The following GPRC5A variants were observed in gnomAD, a reference collection of about 807,000 sequenced individuals.
GPRC5A encodes the protein retinoic acid-induced protein 3.
GPRC5A carries 19 observed loss-of-function variants against 22.5 expected under a neutral mutation model. That is an observed-to-expected ratio of 0.85 (90% CI 0.59 to 1.24). The LOEUF (loss-of-function observed/expected upper bound fraction) is 1.24, where lower values mean the gene tolerates loss of function less well. Among genes scored for constraint, GPRC5A ranks in the 50% most tolerant of loss-of-function variants. The pLI is 0.00. For synonymous variants in GPRC5A, 192 were observed against 184.5 expected (o/e 1.04, Z -0.33); for missense variants, 471 against 451.1 (o/e 1.04, Z -0.40).
chr12:12,909,428 C>T (rs1863980837), intron 2 of GPRC5A: 1 of 392,014 alleles, frequency 2.6e-6, no homozygotes, highest in South Asian at 7.4e-5. Context: ...CTCACTTCCC[C>T]TTTCTTGTGC....
At chr12:12,900,954 A>G (rs1379932998) in intron 1 of GPRC5A, among the ~76,000 whole-genome samples, 2 of 151,776 alleles carry the variant, frequency 1.3e-5, no homozygotes, top group African/African-American at 4.8e-5. Flanking sequence ...AAACAAACAA[A>G]CAAAAGAACC....
rs776056345 is a variant in GPRC5A, at chr12:12,908,977, C to T, written c.728C>T (p.Thr243Ile). 3 of 1,614,014 alleles carry T rather than the reference C, an allele frequency of 1.9e-6. No individual in the cohort carries two copies. In the East Asian group the frequency reaches 6.7e-5, roughly 36 times the overall value. The change falls in exon 2 of 4, where the codon ACC becomes ATC. Residue 243 changes from threonine to isoleucine, a missense_variant. Physicochemically the swap from Thr to Ile is moderately conservative, Grantham distance 89. Coordinates refer to ENST00000014914, the MANE Select transcript of GPRC5A (RefSeq NM_003979.4). ...LPDFDRRWDD[T>I]ILSSALAANG... ...GACTTTGACCGCAGGTGGGATGACA[C>T]CATCCTCAGCTCCGCCTTGGCTGCC...
rs140832369 is a variant in GPRC5A, at chr12:12,908,348, G to C, written c.99G>C (p.Thr33=). The change falls in exon 2 of 4, where the codon ACG becomes ACC. Residue 33 remains threonine, a synonymous_variant. Transcript: ENST00000014914. ...KAEAWGIVLE[T]VATAGVVTSV... is the part of the protein sequence containing the mutation. ...AAGCTTGGGGCATCGTCCTAGAAAC[G>C]GTGGCCACAGCCGGGGTTGTGACCT... The C allele has an allele frequency of 6.2e-7, 1 of 1,614,038 alleles. No individual in the cohort carries two copies. Among genetic ancestry groups the C allele is most frequent in the Non-Finnish European group, 8.5e-7 (1 of 1,179,954 alleles).
Position 12,917,876 on chromosome 12 carries a change from C to G in GPRC5A, c.*5337C>G, listed in dbSNP as rs1444958347. The G allele has an allele frequency of 6.6e-6, 1 of 152,106 alleles. No homozygotes were observed. The highest frequency in any genetic ancestry group is 1.9e-4 in the East Asian group (1 of 5,200). The allele number at this position is 152,106 out of a possible 1,614,324, so 9.4% of individuals were successfully genotyped here. A position where few individuals can be genotyped will look rare whatever the true frequency, so the allele number is the denominator to read the frequency against. On this transcript the variant is annotated 3_prime_UTR_variant, in exon 4 of 4. Transcript: ENST00000014914. Reference sequence around the variant, plus strand: ...CTTTTCACATCATTTCAGTTTTTAGCCCTCATGACTGTATTTTCTAATCAG... The same window carrying G: ...CTTTTCACATCATTTCAGTTTTTAGGCCTCATGACTGTATTTTCTAATCAG...
intron 1 of GPRC5A, among the ~76,000 whole-genome samples, chr12:12,901,300 G>T (rs1548836): frequency 0.35 from 53,798 of 151,884 alleles, 10,788 homozygotes; most frequent in East Asian, 0.78. Context: ...GGAGCCACCT[G>T]CGGCCACTAA....
chr12:12,899,898 C>T (rs545559205), intron 1 of GPRC5A, among the ~76,000 whole-genome samples: 13 of 152,148 alleles, frequency 8.5e-5, no homozygotes, highest in Non-Finnish European at 1.5e-4. Context: ...GTTCTGGGCC[C>T]CAGATGATTC....
chr12:12,897,754 G>A (rs1027410715), intron 1 of GPRC5A, among the ~76,000 whole-genome samples: 2 of 151,822 alleles, frequency 1.3e-5, no homozygotes, highest in South Asian at 2.1e-4. Context: ...GACTACAGGC[G>A]TGAGCCACCA....
At chr12:12,897,568 G>C (rs1368075579) in intron 1 of GPRC5A, among the ~76,000 whole-genome samples, 2 of 151,798 alleles carry the variant, frequency 1.3e-5, no homozygotes, top group Non-Finnish European at 2.9e-5. Context: ...TCAAACTGGG[G>C]CTGGATCTGC....
chr12:12,893,828 A>G (rs1288504646), intron 1 of GPRC5A, among the ~76,000 whole-genome samples: 1 of 152,082 alleles, frequency 6.6e-6, no homozygotes, highest in Non-Finnish European at 1.5e-5. Context: ...ATCTCGGCTC[A>G]CTGAAACCTC....
chr12:12,906,884 C>T lies in GPRC5A; in HGVS notation c.-7-1359C>T, dbSNP rs1306405512. Among the ~76,000 whole-genome samples, 5 of 151,914 alleles carry T rather than the reference C, an allele frequency of 3.3e-5. No homozygotes were observed. The East Asian group carries it at 5.8e-4, about 18-fold the overall frequency. On this transcript the variant is annotated intron_variant, in intron 1 of 3. Transcript: ENST00000014914. ...ACCAGCTTGACCAACATGCAGAAAC[C>T]CCATCTCTACTAAAAATACAAAATT...
At chr12:12,892,566 C>A (rs1236114678) in intron 1 of GPRC5A, among the ~76,000 whole-genome samples, 1 of 152,080 alleles carries the variant, frequency 6.6e-6, no homozygotes, top group Non-Finnish European at 1.5e-5. Flanking sequence ...GGGGTTTCCC[C>A]ATGTTGGTCA....
intron 1 of GPRC5A, among the ~76,000 whole-genome samples, chr12:12,897,524 G>A (rs1863835003): frequency 6.6e-6 from 1 of 152,036 alleles, no homozygotes; most frequent in African/African-American, 2.4e-5. Context: ...GGAGGAGATA[G>A]GTGGGAGGAC....
chr12:12,908,414 G>C lies in GPRC5A; in HGVS notation c.165G>C (p.Lys55Asn). The C allele has an allele frequency of 6.2e-7, 1 of 1,614,148 alleles. No individual in the cohort carries two copies. Residue 55 changes from lysine (K) to asparagine (N), a missense_variant, in exon 2 of 4, where the codon AAG becomes AAC. Transcript: ENST00000014914. ...TCACTCTCCCGATCCTCGTCTGCAAGGTGCAGGACTCCAACAGGCGAAAAA... is the reference window on the plus strand; with the variant it reads ...TCACTCTCCCGATCCTCGTCTGCAACGTGCAGGACTCCAACAGGCGAAAAA... ...FMLTLPILVCKVQDSNRRKML... is the reference protein window; with the variant it reads ...FMLTLPILVCNVQDSNRRKML...
rs1208473344 is a variant in GPRC5A, at chr12:12,908,576, C to G, written c.327C>G (p.Phe109Leu). The G allele has an allele frequency of 1.2e-6, 2 of 1,614,034 alleles. No homozygotes were observed. Among genetic ancestry groups the G allele is most frequent in the Non-Finnish European group, 1.7e-6 (2 of 1,179,986 alleles). The change falls in exon 2 of 4, where the codon TTC becomes TTG. Residue 109 changes from phenylalanine (F) to leucine (L), a missense_variant. Transcript: ENST00000014914. Reference sequence around the variant, plus strand: ...TTGGGATCCTCTTTTCCATCTGCTTCTCCTGCCTGCTGGCTCATGCTGTCA... The same window carrying G: ...TTGGGATCCTCTTTTCCATCTGCTTGTCCTGCCTGCTGGCTCATGCTGTCA... ...FLFGILFSIC[F>L]SCLLAHAVSL...
In GPRC5A at chr12:12,913,586, T is replaced by C. The variant is rs1252233142; in HGVS notation, c.*1047T>C. Reference sequence around the variant, plus strand: ...GGTCTCCTAATGGAGGAGTGTTCATTGTATAATAAGTTATTCACCTGAGTA... The same window carrying C: ...GGTCTCCTAATGGAGGAGTGTTCATCGTATAATAAGTTATTCACCTGAGTA... On this transcript the variant is annotated 3_prime_UTR_variant, in exon 4 of 4. Transcript: ENST00000014914. 1 of 152,158 alleles carries C rather than the reference T, an allele frequency of 6.6e-6. No homozygotes were observed. Among genetic ancestry groups the C allele is most frequent in the African/African-American group, 2.4e-5 (1 of 41,430 alleles). The allele number at this position is 152,158 out of a possible 1,614,324, so 9.4% of individuals were successfully genotyped here.
At chr12:12,900,923 A>AAAAAACAAAAAAC (rs1555104732) in intron 1 of GPRC5A, among the ~76,000 whole-genome samples, 1 of 109,992 alleles carries the variant, frequency 9.1e-6, no homozygotes, top group Non-Finnish European at 1.9e-5. Context: ...ACAAAAAAAA[A>AAAAAACAAAAAAC]ACAACCCAGA....
Position 12,917,212 on chromosome 12 carries a change from CTGTG to C in GPRC5A, c.*4710_*4713del, listed in dbSNP as rs59601728. 7,699 of 138,928 alleles carry C rather than the reference CTGTG, an allele frequency of 0.055. 209 individuals carry two copies. The highest frequency in any genetic ancestry group is 0.065 in the Non-Finnish European group (4,243 of 65,616). 8.6% of individuals were successfully genotyped at this position (138,928 alleles called of 1,614,324 possible). ...GGATGTTCCAAGGATGCTGCTGGAT[CTGTG>C]TGTGTGTGTGTGTGTGTGTGTGTGT... is the stretch of plus-strand genomic sequence containing the variant. On this transcript the variant is annotated 3_prime_UTR_variant, in exon 4 of 4. Coordinates refer to ENST00000014914, the MANE Select transcript of GPRC5A (RefSeq NM_003979.4).
In GPRC5A at chr12:12,916,039, C is replaced by A; in HGVS notation, c.*3500C>A. The A allele has an allele frequency of 3.8e-6, 1 of 263,214 alleles. No homozygotes were observed. Among genetic ancestry groups the A allele is most frequent in the South Asian group, 3.4e-5 (1 of 29,460 alleles). 16.3% of individuals were successfully genotyped at this position (263,214 alleles called of 1,614,324 possible). ...AAAAGTTATTATTTTTTTACTCTTT[C>A]TTTTCTTTGGAGAGGGTACCAAAGG... is the stretch of plus-strand genomic sequence containing the variant. On this transcript the variant is annotated 3_prime_UTR_variant, in exon 4 of 4. Transcript: ENST00000014914.
intron 1 of GPRC5A, among the ~76,000 whole-genome samples, chr12:12,906,370 C>T (rs1039737712): frequency 2.6e-5 from 4 of 151,958 alleles, no homozygotes; most frequent in East Asian, 2.0e-4. Flanking sequence ...CAGGAATTTG[C>T]GACCAGCCTG....
Sources: gnomAD v4.1 joint callset for allele counts (sites outside exome capture counted in the v4.1 genomes callset) on GRCh38, gnomAD v4.1.1 for gene constraint, MANE v1.5 for transcripts, NCBI Gene and HGNC (gene_info 2026-07-23, HGNC 2026-07-21) for gene names.